The following NPAS3 variants were observed in gnomAD, a reference collection of about 807,000 sequenced individuals.
NPAS3 encodes the protein neuronal PAS domain protein 3, also known as neuronal PAS domain-containing protein 3.
A neutral mutation model predicts 73.1 loss-of-function variants in NPAS3; 14 were observed. That is an observed-to-expected ratio of 0.19 (90% CI 0.13 to 0.30). The LOEUF (loss-of-function observed/expected upper bound fraction) is 0.30, where lower values mean the gene tolerates loss of function less well. Among genes scored for constraint, NPAS3 ranks in the 10% least tolerant of loss-of-function variants. The probability of loss-of-function intolerance (pLI) is 1.00; values close to 1 mark genes in which losing one functional copy is unlikely to be tolerated. For missense variants in NPAS3, 1,096 were observed against 1,250.0 expected (o/e 0.88, Z 1.86); for synonymous variants, 620 against 541.5 (o/e 1.14, Z -2.01).
intron 3 of NPAS3, among the ~76,000 whole-genome samples, chr14:33,258,342 C>A (rs1288193085): frequency 1.3e-5 from 2 of 152,080 alleles, no homozygotes; most frequent in African/African-American, 2.4e-5. Context: ...GTGGAGGTTG[C>A]ATCAAACTGA....
At chr14:33,343,178 ATGTGTTTTGTGGGGTGATTTCG>A (rs1165107083) in intron 3 of NPAS3, among the ~76,000 whole-genome samples, 4 of 152,078 alleles carry the variant, frequency 2.6e-5, no homozygotes, top group African/African-American at 9.7e-5. Flanking sequence ...CATCCCTAGG[ATGTGTTTTGTGGGGTGATTTCG>A]CAACTTTAGG....
chr14:33,071,060 G>A (rs535328279), intron 2 of NPAS3, among the ~76,000 whole-genome samples: 4 of 152,174 alleles, frequency 2.6e-5, no homozygotes, highest in East Asian at 3.9e-4. Context: ...TTTGTTCTAC[G>A]CTACCTATGG....
At chr14:33,517,813 A>C (rs1373378207) in intron 4 of NPAS3, among the ~76,000 whole-genome samples, 1 of 152,020 alleles carries the variant, frequency 6.6e-6, no homozygotes, top group Non-Finnish European at 1.5e-5. Context: ...TTACTCAGAG[A>C]AGCTGTTTAT....
chr14:33,668,115 C>T (rs2059506997), intron 5 of NPAS3, among the ~76,000 whole-genome samples: 1 of 152,200 alleles, frequency 6.6e-6, no homozygotes, highest in African/African-American at 2.4e-5. Flanking sequence ...GAACAAGATC[C>T]TCCTTTGGTT....
At chr14:33,052,991 T>A (rs749830537) in intron 1 of NPAS3, among the ~76,000 whole-genome samples, 1 of 152,198 alleles carries the variant, frequency 6.6e-6, no homozygotes, top group East Asian at 1.9e-4. Context: ...TTAAAAAAAA[T>A]TCATTTTGTT....
intron 6 of NPAS3, among the ~76,000 whole-genome samples, chr14:33,701,445 T>C (rs1430903195): frequency 6.6e-6 from 1 of 152,226 alleles, no homozygotes; most frequent in African/African-American, 2.4e-5. Context: ...ATGTGAGTCA[T>C]TGTTCTTGAA....
intron 5 of NPAS3, among the ~76,000 whole-genome samples, chr14:33,643,213 T>G (rs1280523570): frequency 6.6e-6 from 1 of 152,028 alleles, no homozygotes; most frequent in Non-Finnish European, 1.5e-5. Context: ...TCATAACCAG[T>G]GATAGTATTA....
intron 2 of NPAS3, among the ~76,000 whole-genome samples, chr14:33,204,933 A>G (rs567707545): frequency 4.7e-5 from 7 of 149,362 alleles, no homozygotes; most frequent in Admixed American, 2.0e-4. Context: ...CATTTATTGG[A>G]AAAAAAAATG....
intron 3 of NPAS3, among the ~76,000 whole-genome samples, chr14:33,341,856 A>G (rs992834922): frequency 2.0e-5 from 3 of 152,224 alleles, no homozygotes; most frequent in Non-Finnish European, 4.4e-5. Flanking sequence ...AGCACTTGTC[A>G]TTAGTTTAAT....
intron 3 of NPAS3, among the ~76,000 whole-genome samples, chr14:33,312,048 C>G (rs1481461550): frequency 6.6e-6 from 1 of 152,160 alleles, no homozygotes; most frequent in East Asian, 1.9e-4. Context: ...TAGAACAACA[C>G]TAAAGCATTT....
intron 2 of NPAS3, among the ~76,000 whole-genome samples, chr14:33,123,436 C>A (rs1218628413): frequency 2.0e-5 from 3 of 151,998 alleles, no homozygotes; most frequent in Non-Finnish European, 4.4e-5. Flanking sequence ...TTCAGCTGTC[C>A]CATCCTTTCA....
intron 1 of NPAS3, among the ~76,000 whole-genome samples, chr14:32,995,485 C>G (rs1302968498): frequency 6.6e-6 from 1 of 152,234 alleles, no homozygotes; most frequent in Non-Finnish European, 1.5e-5. Context: ...TCTTTAAAAG[C>G]TTCCACTGGT....
intron 2 of NPAS3, among the ~76,000 whole-genome samples, chr14:33,075,595 C>T (rs2041630070): frequency 6.6e-6 from 1 of 152,170 alleles, no homozygotes; most frequent in Admixed American, 6.5e-5. Flanking sequence ...TGCTAGAACA[C>T]ATTTTATAGC....
chr14:33,406,546 C>T (rs2047676688), intron 4 of NPAS3, among the ~76,000 whole-genome samples: 1 of 152,096 alleles, frequency 6.6e-6, no homozygotes, highest in Non-Finnish European at 1.5e-5. Flanking sequence ...ATGGGTAATC[C>T]TGGACCAGCT....
Position 32,979,950 on chromosome 14 carries a change from T to C in NPAS3, c.50+40584T>C, listed in dbSNP as rs561078852. ...CACTTAGTTTTAGGATTATGTCAATTGACTTGTCAAAAACTTTTGTTGCGA... is the reference window on the plus strand; with the variant it reads ...CACTTAGTTTTAGGATTATGTCAATCGACTTGTCAAAAACTTTTGTTGCGA... On this transcript the variant is annotated intron_variant, in intron 1 of 11. Coordinates refer to ENST00000356141, the Ensembl canonical transcript of NPAS3. 8.5e-5 allele frequency among the ~76,000 whole-genome samples: 13 copies of C among 152,298 alleles called. No individual in the cohort carries two copies. The South Asian group carries it at 2.1e-3, about 24-fold the overall frequency.
At chr14:33,376,652 C>A (rs918680569) in intron 4 of NPAS3, among the ~76,000 whole-genome samples, 1 of 152,174 alleles carries the variant, frequency 6.6e-6, no homozygotes, top group Non-Finnish European at 1.5e-5. Flanking sequence ...CATCTCCAGA[C>A]ATGGGAGAGT....
At chr14:33,233,833 T>G (rs2139788953) in intron 3 of NPAS3, among the ~76,000 whole-genome samples, 1 of 152,202 alleles carries the variant, frequency 6.6e-6, no homozygotes, top group Non-Finnish European at 1.5e-5. Context: ...TTATTTGCAT[T>G]TAAGCATATT....
chr14:33,262,612 C>T (rs1407328687), intron 3 of NPAS3, among the ~76,000 whole-genome samples: 1 of 152,056 alleles, frequency 6.6e-6, no homozygotes, highest in East Asian at 1.9e-4. Context: ...CATTTTATTA[C>T]AATTTTTTTA....
chr14:33,663,536 T>C (rs1567102570), intron 5 of NPAS3, among the ~76,000 whole-genome samples: 1 of 152,272 alleles, frequency 6.6e-6, no homozygotes, highest in South Asian at 2.1e-4. Context: ...TCTTTTTTTG[T>C]TGTGTCTCTG....
Sources: gnomAD v4.1 joint callset for allele counts (sites outside exome capture counted in the v4.1 genomes callset) on GRCh38, gnomAD v4.1.1 for gene constraint, MANE v1.5 for transcripts, NCBI Gene and HGNC (gene_info 2026-07-23, HGNC 2026-07-21) for gene names.